Variants in DENND2B observed in about 807,000 individuals in gnomAD.
The protein encoded by DENND2B is DENN domain containing 2B, also known as DENN domain-containing protein 2B.
A neutral mutation model predicts 116.0 loss-of-function variants in DENND2B; 32 were observed. That is an observed-to-expected ratio of 0.28 (90% CI 0.21 to 0.37). DENND2B has a LOEUF of 0.37. DENND2B is among the 10% of genes least tolerant of loss of function. The pLI is 1.00. For synonymous variants in DENND2B, 588 were observed against 583.9 expected, an observed-to-expected ratio of 1.01 and a Z score of -0.10; for missense variants, 1,276 against 1,477.7, an observed-to-expected ratio of 0.86 and a Z score of 2.24.
At chr11:8,754,421 C>T (rs1451594765) in intron 1 of DENND2B, among the ~76,000 whole-genome samples, 1 of 152,078 alleles carries the variant, frequency 6.6e-6, no homozygotes, top group Non-Finnish European at 1.5e-5. Flanking sequence ...CAGATAAAAA[C>T]AAATGCTAGT....
At chr11:8,879,494 A>T (rs1290988017) in intron 2 of DENND2B, among the ~76,000 whole-genome samples, 1 of 152,242 alleles carries the variant, frequency 6.6e-6, no homozygotes, top group Non-Finnish European at 1.5e-5. Flanking sequence ...TTTGATTCTG[A>T]AGGATGTGGA....
intron 4 of DENND2B, chr11:8,831,723 T>G (rs1331748221): frequency 6.6e-6 from 1 of 152,074 alleles, no homozygotes; most frequent in African/African-American, 2.4e-5. Flanking sequence ...AAAATTAAAT[T>G]CTGTAGGATT....
At chr11:8,851,768 A>C (rs1202139951) in intron 3 of DENND2B, among the ~76,000 whole-genome samples, 1 of 152,224 alleles carries the variant, frequency 6.6e-6, no homozygotes, top group Admixed American at 6.5e-5. Flanking sequence ...AAGTAGATCA[A>C]ATATTTAGTA....
upstream of DENND2B, among the ~76,000 whole-genome samples, chr11:8,812,243 G>C (rs904190020): frequency 1.1e-4 from 16 of 152,154 alleles, no homozygotes; most frequent in African/African-American, 3.4e-4. Flanking sequence ...GGGCTCCCAA[G>C]GGAAGGTGGA....
chr11:8,844,245 C>T (rs2062725196), intron 3 of DENND2B, among the ~76,000 whole-genome samples: 1 of 151,324 alleles, frequency 6.6e-6, no homozygotes, highest in Non-Finnish European at 1.5e-5. Flanking sequence ...ACAAAAAAAT[C>T]GAAAAGTTAG....
intron 2 of DENND2B, among the ~76,000 whole-genome samples, chr11:8,734,127 G>A (rs1174375447): frequency 6.6e-6 from 1 of 152,152 alleles, no homozygotes; most frequent in Non-Finnish European, 1.5e-5. Flanking sequence ...TGCCCTCCTG[G>A]GGTGACATTC....
chr11:8,766,793 C>G, intron 1 of DENND2B: 1 of 726,552 alleles, frequency 1.4e-6, no homozygotes, highest in East Asian at 6.6e-5. Flanking sequence ...GGTGGGGGTG[C>G]TGGGTTGGAG....
At chr11:8,770,057 C>T (rs1274688805) in intron 1 of DENND2B, among the ~76,000 whole-genome samples, 1 of 152,136 alleles carries the variant, frequency 6.6e-6, no homozygotes, top group African/African-American at 2.4e-5. Flanking sequence ...AAAGAGACTG[C>T]CAGTAGCCCA....
chr11:8,741,547 G>A (rs2050210764), intron 2 of DENND2B, among the ~76,000 whole-genome samples: 1 of 152,240 alleles, frequency 6.6e-6, no homozygotes. Context: ...AATGGCACTT[G>A]TGGTAGTTTT....
chr11:8,875,781 TA>T (rs1306237100), upstream of DENND2B, among the ~76,000 whole-genome samples: 2 of 152,090 alleles, frequency 1.3e-5, no homozygotes, highest in African/African-American at 4.8e-5. Context: ...ATACACCAGG[TA>T]AAAACTTCAG....
chr11:8,750,706 C>A lies in DENND2B; in HGVS notation c.-6G>T. On this transcript the variant is annotated 5_prime_UTR_variant, in exon 2 of 20. Transcript: ENST00000313726. The stretch of plus-strand genomic sequence containing the variant: ...TTGTTGGCAGTCATGGTCATTTCGG[C>A]TCTCTGCAAACCCAGAGCCCTGCAA... The A allele has an allele frequency of 6.2e-7, 1 of 1,614,194 alleles. No homozygotes were observed. The highest frequency in any genetic ancestry group is 8.5e-7 in the Non-Finnish European group (1 of 1,180,032).
intron 1 of DENND2B, among the ~76,000 whole-genome samples, chr11:8,802,816 C>T (rs1440638028): frequency 6.6e-6 from 1 of 152,184 alleles, no homozygotes; most frequent in Non-Finnish European, 1.5e-5. Context: ...CCCAGGGCAC[C>T]AAGAGAAACC....
chr11:8,880,806 T>C (rs1566080341), intron 2 of DENND2B, among the ~76,000 whole-genome samples: 1 of 152,204 alleles, frequency 6.6e-6, no homozygotes, highest in Non-Finnish European at 1.5e-5. Flanking sequence ...CCTCTTCTTG[T>C]TCCCCACAGC....
At position 8,849,309 on chromosome 11, in the gene DENND2B, G is replaced by A. The variant is rs190074460; in HGVS notation, c.-156+8034C>T. The stretch of plus-strand genomic sequence containing the variant: ...GGAGTTCAACACCAGCCTGACCAAC[G>A]TGGTGAAACCCCGTCTCTACTAAAA... On this transcript the variant is annotated intron_variant, in intron 3 of 6. Transcript: ENST00000524757. Among the ~76,000 whole-genome samples, 762 of 151,176 alleles carry A rather than the reference G, an allele frequency of 5.0e-3. 4 individuals are homozygous for A. Among genetic ancestry groups the A allele is most frequent in the Middle Eastern group, 0.014 (4 of 288 alleles).
chr11:8,730,846 C>G lies in DENND2B; in HGVS notation c.444G>C (p.Arg148=), dbSNP rs751076617. 2 of 1,613,334 alleles carry G rather than the reference C, an allele frequency of 1.2e-6. No homozygotes were observed. Among genetic ancestry groups the G allele is most frequent in the East Asian group, 2.2e-5 (1 of 44,858 alleles). ...TACCGGTACGGGTCAGCAAGACGCCCCGGGGGCCAGCTGCTGGCCCCGGGA... is the reference window on the plus strand; with the variant it reads ...TACCGGTACGGGTCAGCAAGACGCCGCGGGGGCCAGCTGCTGGCCCCGGGA... The part of the protein sequence containing the change: ...TPFPGPAAGP[R]GVLLTRTGTR... The change falls in exon 3 of 20, where the codon CGG becomes CGC. Residue 148 remains arginine, a synonymous_variant. Transcript: ENST00000313726. The surrounding 1 kb of genome is among the most constrained non-coding windows in gnomAD (Gnocchi z 4.1).
At chr11:8,770,883 T>C (rs2056736689) in intron 1 of DENND2B, among the ~76,000 whole-genome samples, 1 of 152,166 alleles carries the variant, frequency 6.6e-6, no homozygotes, top group South Asian at 2.1e-4. Flanking sequence ...AACGACTCCA[T>C]ACTTGTGTGC....
intron 1 of DENND2B, among the ~76,000 whole-genome samples, chr11:8,886,327 A>G (rs2063960716): frequency 6.6e-6 from 1 of 152,132 alleles, no homozygotes. Context: ...ATCCTTTTTA[A>G]TTTAAAGACA....
intron 2 of DENND2B, among the ~76,000 whole-genome samples, chr11:8,733,952 G>A (rs1184220655): frequency 6.6e-6 from 1 of 152,088 alleles, no homozygotes; most frequent in Non-Finnish European, 1.5e-5. Context: ...TGCTGACCTG[G>A]GACCCACGGC....
chr11:8,721,323 A>G (rs1203371858), intron 4 of DENND2B, among the ~76,000 whole-genome samples: 1 of 149,332 alleles, frequency 6.7e-6, no homozygotes, highest in Admixed American at 6.7e-5. Flanking sequence ...ACTCCTCCCC[A>G]TAACTCCTTT....
Sources: allele counts gnomAD v4.1 joint callset (sites outside exome capture counted in the v4.1 genomes callset), GRCh38; gene constraint gnomAD v4.1.1; non-coding constraint Gnocchi (gnomAD v3.1); transcripts MANE v1.5; gene names NCBI Gene and HGNC (gene_info 2026-07-23, HGNC 2026-07-21).